Variants in RUBCNL observed in about 807,000 individuals in gnomAD.
The protein encoded by RUBCNL is protein associated with UVRAG as autophagy enhancer.
RUBCNL carries 62 observed loss-of-function variants against 69.5 expected under a neutral mutation model. That is an observed-to-expected ratio of 0.89 (90% confidence interval 0.73 to 1.10). RUBCNL has a LOEUF of 1.10. Ranked by LOEUF, RUBCNL falls within the 50% of genes least tolerant of loss-of-function variation. The probability of loss-of-function intolerance (pLI) is 0.00; values close to 1 mark genes in which losing one functional copy is unlikely to be tolerated. For synonymous variants in RUBCNL, 291 were observed against 303.6 expected, an observed-to-expected ratio of 0.96 and a Z score of 0.43; for missense variants, 768 against 798.1, an observed-to-expected ratio of 0.96 and a Z score of 0.45.
At chr13:46,378,850 C>T (rs2049056902) in intron 1 of RUBCNL, among the ~76,000 whole-genome samples, 1 of 152,156 alleles carries the variant, frequency 6.6e-6, no homozygotes, top group African/African-American at 2.4e-5. Flanking sequence ...ATTTTCTATG[C>T]CCCAATACTA....
intron 2 of RUBCNL, 142 bp from the exon 3 acceptor site, chr13:46,372,739 T>C (rs2048906573): frequency 3.5e-6 from 2 of 573,912 alleles, no homozygotes; most frequent in Non-Finnish European, 5.3e-6. Context: ...CTTGGATTTA[T>C]AAGTGAAAAA....
intron 13 of RUBCNL, among the ~76,000 whole-genome samples, chr13:46,345,118 A>G (rs942565725): frequency 6.6e-6 from 1 of 152,222 alleles, no homozygotes; most frequent in African/African-American, 2.4e-5. Flanking sequence ...CTGCACTACA[A>G]TTCTTCAATC....
chr13:46,355,291 G>C (rs1229878975), intron 10 of RUBCNL, among the ~76,000 whole-genome samples: 1 of 142,456 alleles, frequency 7.0e-6, no homozygotes, highest in East Asian at 2.2e-4. Context: ...AGGAAAGCCC[G>C]AGCTTTTTTT....
At chr13:46,353,625 C>T (rs1337561262) in intron 10 of RUBCNL, among the ~76,000 whole-genome samples, 2 of 152,182 alleles carry the variant, frequency 1.3e-5, no homozygotes, top group African/African-American at 4.8e-5. Flanking sequence ...TGCTAAACAT[C>T]CTACAGTGCA....
intron 2 of RUBCNL, chr13:46,374,654 T>C (rs1450367030): frequency 6.6e-6 from 1 of 152,254 alleles, no homozygotes; most frequent in African/African-American, 2.4e-5. Flanking sequence ...AATCAGATCA[T>C]GTCATTGCCC....
At chr13:46,375,674 G>C (rs1379531373) in intron 2 of RUBCNL, among the ~76,000 whole-genome samples, 1 of 152,192 alleles carries the variant, frequency 6.6e-6, no homozygotes, top group Non-Finnish European at 1.5e-5. Flanking sequence ...AATAATAAAA[G>C]TTCAGTAGAC....
chr13:46,348,176 CTAAGAG>C (rs1050919853), intron 12 of RUBCNL, among the ~76,000 whole-genome samples: 2 of 151,984 alleles, frequency 1.3e-5, no homozygotes, highest in Non-Finnish European at 2.9e-5. Context: ...AGGAGTTAGG[CTAAGAG>C]GAAGAGGGAA....
rs1468551621 is a variant in RUBCNL at position 46,337,603 on chromosome 13, T to C, written c.*5782A>G. Among the ~76,000 whole-genome samples the C allele has an allele frequency of 6.6e-6, 1 of 152,164 alleles. No homozygotes were observed. Among genetic ancestry groups the C allele is most frequent in the Non-Finnish European group, 1.5e-5 (1 of 68,030 alleles). ...AACTGTTAGCAGTAAGTTTCTGTTG[T>C]TTATTATCCACCTAGCGTAAGGTAT... On this transcript the variant is annotated 3_prime_UTR_variant, in exon 15 of 15. Coordinates refer to ENST00000429979, the MANE Select transcript of RUBCNL (RefSeq NM_025113.5).
chr13:46,371,870 G>T, intron 3 of RUBCNL, 71 bp downstream of exon 3: 1 of 1,475,900 alleles, frequency 6.8e-7, no homozygotes. Context: ...AGACAACAAG[G>T]CAGGCTTTAG....
At chr13:46,370,108 G>A (rs2048845096) in intron 3 of RUBCNL, among the ~76,000 whole-genome samples, 1 of 152,242 alleles carries the variant, frequency 6.6e-6, no homozygotes, top group Non-Finnish European at 1.5e-5. Context: ...CAGACTCTGA[G>A]TATAGAGGAA....
chr13:46,358,637 T>A (rs1244587221), intron 9 of RUBCNL, among the ~76,000 whole-genome samples: 1 of 152,190 alleles, frequency 6.6e-6, no homozygotes, highest in Non-Finnish European at 1.5e-5. Flanking sequence ...CACTGCAACC[T>A]CTGCCTCCTG....
rs111556698 is a variant in RUBCNL at position 46,345,066 on chromosome 13, G to A, written c.1786-235C>T. ...AAAGTACCAGAGTAAGGTCCTAATT[G>A]TAAACATGCACTCTGAAATGATCTA... On this transcript the variant is annotated intron_variant, in intron 13 of 14. Transcript: ENST00000429979. 9.5e-3 allele frequency among the ~76,000 whole-genome samples: 1,452 copies of A among 152,268 alleles called. 14 individuals carry two copies. Among genetic ancestry groups the A allele is most frequent in the African/African-American group, 0.032 (1,344 of 41,532 alleles).
chr13:46,346,494 G>A (rs551075386), intron 12 of RUBCNL, among the ~76,000 whole-genome samples: 29 of 152,274 alleles, frequency 1.9e-4, no homozygotes, highest in Non-Finnish European at 2.2e-4. Flanking sequence ...AGCAGTGATC[G>A]GTTGGTGCTG....
At chr13:46,387,704 C>G (rs529233414), upstream of RUBCNL, 96 of 985,602 alleles carry the variant, frequency 9.7e-5, no homozygotes, top group African/African-American at 1.4e-3. Flanking sequence ...TCTCTCTGAC[C>G]TCTGCTGGCT....
At chr13:46,347,509 C>A (rs917718550) in intron 12 of RUBCNL, among the ~76,000 whole-genome samples, 1 of 152,128 alleles carries the variant, frequency 6.6e-6, no homozygotes, top group African/African-American at 2.4e-5. Context: ...TTTTTGAAGA[C>A]CATGGTTCCA....
chr13:46,352,593 T>C (rs2048394667), intron 10 of RUBCNL, among the ~76,000 whole-genome samples: 1 of 150,988 alleles, frequency 6.6e-6, no homozygotes, highest in African/African-American at 2.4e-5. Context: ...TCACCTGAGG[T>C]TGGGAATTTG....
intron 1 of RUBCNL, among the ~76,000 whole-genome samples, chr13:46,379,145 C>T (rs1008463967): frequency 6.6e-6 from 1 of 152,142 alleles, no homozygotes; most frequent in African/African-American, 2.4e-5. Flanking sequence ...GGCACAATCT[C>T]GGCTCACTGT....
At position 46,372,168 on chromosome 13, in the gene RUBCNL, G is replaced by A. The variant is rs773688378; in HGVS notation, c.308C>T (p.Thr103Met). The A allele has an allele frequency of 1.1e-5, 18 of 1,613,896 alleles. No individual in the cohort carries two copies. Among genetic ancestry groups the A allele is most frequent in the South Asian group, 1.1e-4 (10 of 91,094 alleles). ...SCLGDSLAET[T>M]LSEDTTDSVG... ...GGAGTCTGTGGTATCCTCAGACAAC[G>A]TTGTCTCTGCCAGGGAGTCCCCGAG... Residue 103 changes from threonine (T) to methionine (M), a missense_variant, in exon 3 of 15, where the codon ACG becomes ATG. Transcript: ENST00000429979.
At chr13:46,343,617 A>G in intron 14 of RUBCNL, 120 bp from the exon 15 acceptor site, 1 of 1,036,734 alleles carries the variant, frequency 9.6e-7, no homozygotes, top group East Asian at 2.6e-5. Context: ...AGAGTCTTCT[A>G]AAAAGAAACC....
Sources: gnomAD v4.1 joint callset for allele counts (sites outside exome capture counted in the v4.1 genomes callset) on GRCh38, gnomAD v4.1.1 for gene constraint, MANE v1.5 for transcripts, NCBI Gene and HGNC (gene_info 2026-07-23, HGNC 2026-07-21) for gene names.